The following SCFD2 variants were observed in gnomAD, a reference collection of about 807,000 sequenced individuals.
SCFD2 encodes the protein sec1 family domain containing 2.
A neutral mutation model predicts 58.9 loss-of-function variants in SCFD2; 54 were observed. That is an observed-to-expected ratio of 0.92 (90% CI 0.74 to 1.15). SCFD2 has a LOEUF of 1.15. SCFD2 is among the 50% of genes most tolerant of loss of function. The pLI, the probability that SCFD2 is intolerant of heterozygous loss-of-function variation, is 0.00. For missense variants in SCFD2, 805 were observed against 836.6 expected (o/e 0.96, Z 0.47); for synonymous variants, 321 against 335.9 (o/e 0.96, Z 0.49).
chr4:53,103,962 T>C (rs1724913290), intron 5 of SCFD2, among the ~76,000 whole-genome samples: 1 of 150,618 alleles, frequency 6.6e-6, no homozygotes, highest in Non-Finnish European at 1.5e-5. Context: ...AATAAATATG[T>C]ATCAGTCCAT....
chr4:52,944,115 C>T (rs980729465), intron 5 of SCFD2, among the ~76,000 whole-genome samples: 32 of 152,174 alleles, frequency 2.1e-4, no homozygotes, highest in African/African-American at 7.5e-4. Context: ...ATTTTAAACA[C>T]ATTCTGTCTC....
intron 5 of SCFD2, among the ~76,000 whole-genome samples, chr4:52,968,227 C>T (rs1223034830): frequency 6.6e-6 from 1 of 152,244 alleles, no homozygotes; most frequent in Non-Finnish European, 1.5e-5. Flanking sequence ...CTAGGGCTAA[C>T]ACTATAGGTT....
chr4:53,155,032 G>A (rs972613475), intron 4 of SCFD2, among the ~76,000 whole-genome samples: 3 of 152,190 alleles, frequency 2.0e-5, no homozygotes, highest in Non-Finnish European at 2.9e-5. Context: ...AAGACCTTCC[G>A]AACAGTAAGA....
chr4:52,916,683 TG>T (rs1719616944), intron 6 of SCFD2, among the ~76,000 whole-genome samples: 1 of 152,130 alleles, frequency 6.6e-6, no homozygotes, highest in Admixed American at 6.5e-5. Context: ...TTAAAACAAA[TG>T]GGTGTCAGCA....
At chr4:53,153,281 T>C (rs192673962) in intron 4 of SCFD2, among the ~76,000 whole-genome samples, 1 of 152,150 alleles carries the variant, frequency 6.6e-6, no homozygotes, top group Non-Finnish European at 1.5e-5. Flanking sequence ...CAATACATCT[T>C]CTGAAATCTA....
At chr4:53,186,198 C>A (rs1033123537) in intron 4 of SCFD2, among the ~76,000 whole-genome samples, 3 of 152,048 alleles carry the variant, frequency 2.0e-5, no homozygotes, top group Non-Finnish European at 2.9e-5. Context: ...TCTTTCCCAC[C>A]CTTCAAGATC....
chr4:53,179,680 G>A (rs948524796), intron 4 of SCFD2, among the ~76,000 whole-genome samples: 4 of 152,088 alleles, frequency 2.6e-5, no homozygotes, highest in Non-Finnish European at 4.4e-5. Flanking sequence ...TGGACTAAAT[G>A]CTCCAATTAA....
At chr4:53,165,430 G>C (rs1303459902) in intron 4 of SCFD2, among the ~76,000 whole-genome samples, 1 of 152,064 alleles carries the variant, frequency 6.6e-6, no homozygotes, top group Non-Finnish European at 1.5e-5. Flanking sequence ...TTGTTTTATA[G>C]ATCATGGAGC....
intron 1 of SCFD2, among the ~76,000 whole-genome samples, chr4:53,362,892 T>G (rs1734585977): frequency 6.6e-6 from 1 of 152,176 alleles, no homozygotes; most frequent in Admixed American, 6.5e-5. Context: ...GACAGTATAT[T>G]TCTTTTCAAT....
At chr4:52,907,049 T>C (rs758773225) in intron 7 of SCFD2, among the ~76,000 whole-genome samples, 9 of 152,200 alleles carry the variant, frequency 5.9e-5, no homozygotes, top group Non-Finnish European at 8.8e-5. Context: ...ATGCTAGCCA[T>C]AGGACTGAGC....
chr4:53,144,910 T>G (rs1275591218), intron 5 of SCFD2, among the ~76,000 whole-genome samples: 1 of 152,100 alleles, frequency 6.6e-6, no homozygotes, highest in South Asian at 2.1e-4. Context: ...CATGGCCTGT[T>G]AGGAACCGGG....
intron 2 of SCFD2, 49 bp downstream of exon 2, chr4:53,352,545 AAAAG>A: frequency 6.8e-7 from 1 of 1,468,248 alleles, no homozygotes; most frequent in South Asian, 1.3e-5. Context: ...GTCTAGGAGA[AAAAG>A]AAAGGGGAAG....
At chr4:53,188,418 G>GGTGTGT (rs56120914) in intron 4 of SCFD2, among the ~76,000 whole-genome samples, 2,964 of 143,526 alleles carry the variant, frequency 0.021, 35 homozygotes, top group Middle Eastern at 0.057. Flanking sequence ...CTTCAAAACT[G>GGTGTGT]GTGTGTGTGT....
intron 6 of SCFD2, 102 bp downstream of exon 6, chr4:52,920,623 C>A: frequency 1.3e-6 from 1 of 757,550 alleles, no homozygotes; most frequent in Admixed American, 3.0e-5. Flanking sequence ...CTAGAACAAA[C>A]CTTTGGTTTT....
intron 5 of SCFD2, among the ~76,000 whole-genome samples, chr4:53,014,173 C>T (rs1432028108): frequency 1.3e-5 from 2 of 152,114 alleles, no homozygotes; most frequent in Non-Finnish European, 2.9e-5. Flanking sequence ...GTGCAGAGTG[C>T]TATGAGACAG....
chr4:53,032,225 A>T (rs1722632764), intron 5 of SCFD2, among the ~76,000 whole-genome samples: 1 of 152,256 alleles, frequency 6.6e-6, no homozygotes, highest in Admixed American at 6.5e-5. Context: ...AATCCTTTAC[A>T]GATAAGCAAA....
At chr4:53,230,489 G>A (rs1051963743) in intron 4 of SCFD2, among the ~76,000 whole-genome samples, 49 of 152,098 alleles carry the variant, frequency 3.2e-4, no homozygotes, top group African/African-American at 1.1e-3. Flanking sequence ...GGATGAAGCT[G>A]GAAACCATCA....
intron 3 of SCFD2, among the ~76,000 whole-genome samples, chr4:53,295,331 T>C (rs986434245): frequency 1.3e-5 from 2 of 152,140 alleles, no homozygotes; most frequent in Non-Finnish European, 2.9e-5. Flanking sequence ...TCATGGTTTT[T>C]GTGATCCTTG....
chr4:53,097,486 A>G (rs575963051), intron 5 of SCFD2, among the ~76,000 whole-genome samples: 59 of 152,144 alleles, frequency 3.9e-4, no homozygotes, highest in Non-Finnish European at 6.9e-4. Flanking sequence ...AATTGTGAAT[A>G]GGAGTTCACT....
Sources: gnomAD v4.1 joint callset for allele counts (sites outside exome capture counted in the v4.1 genomes callset) on GRCh38, gnomAD v4.1.1 for gene constraint, MANE v1.5 for transcripts, NCBI Gene and HGNC (gene_info 2026-07-23, HGNC 2026-07-21) for gene names.